Variants in ITSN1 observed in about 807,000 individuals in gnomAD.
ITSN1 encodes the protein intersectin 1, also known as intersectin-1.
In ITSN1, 58 loss-of-function variants were observed where a neutral mutation model predicts 239.8. That is an observed-to-expected ratio of 0.24 (90% CI 0.20 to 0.30). ITSN1 has a LOEUF of 0.30. Ranked by LOEUF, ITSN1 falls within the 10% of genes least tolerant of loss-of-function variation. The probability of loss-of-function intolerance (pLI) is 1.00; values close to 1 mark genes in which losing one functional copy is unlikely to be tolerated. For missense variants in ITSN1, 1,558 were observed against 2,103.3 expected (o/e 0.74, Z 5.07); for synonymous variants, 780 against 770.8 (o/e 1.01, Z -0.20).
chr21:33,654,031 T>C (rs1169409943), intron 1 of ITSN1, among the ~76,000 whole-genome samples: 1 of 151,860 alleles, frequency 6.6e-6, no homozygotes, highest in Non-Finnish European at 1.5e-5. Context: ...CTTTCCTTCC[T>C]CTTTCTCTTT....
chr21:33,797,461 G>A lies in ITSN1; in HGVS notation c.2035G>A (p.Glu679Lys), dbSNP rs201545935. The change falls in exon 18 of 40, where the codon GAG becomes AAG. Residue 679 changes from glutamate to lysine, a missense_variant. This residue lies in a region of ITSN1 where 982 missense variants were observed against 1,209.9 expected (regional missense o/e 0.81). Transcript: ENST00000381318. This position sits in a 1 kb window ranked among gnomAD's most constrained non-coding sequence, Gnocchi z 4.9. ...TCAGAGACCAAGAAAACTCCACGAA[G>A]AGGAAAAACTGAAAAGGGAGGAGAG... ...EHQRPRKLHE[E>K]EKLKREESVK... The A allele has an allele frequency of 1.2e-6, 2 of 1,614,134 alleles. No individual in the cohort carries two copies. The highest frequency in any genetic ancestry group is 1.1e-5 in the South Asian group (1 of 91,080).
At chr21:33,725,430 G>A (rs905602967) in intron 4 of ITSN1, among the ~76,000 whole-genome samples, 1 of 151,842 alleles carries the variant, frequency 6.6e-6, no homozygotes, top group African/African-American at 2.4e-5. Context: ...CACTGTGCCC[G>A]GCCAAAAAAA....
At chr21:33,851,200 G>A (rs749748352) in intron 29 of ITSN1, among the ~76,000 whole-genome samples, 6 of 151,870 alleles carry the variant, frequency 4.0e-5, no homozygotes, top group South Asian at 2.1e-4. Flanking sequence ...TCTCCGCGTC[G>A]ACCTGGCACC....
chr21:33,742,930 C>A (rs1459984921), intron 5 of ITSN1, among the ~76,000 whole-genome samples: 2 of 151,930 alleles, frequency 1.3e-5, no homozygotes, highest in Non-Finnish European at 2.9e-5. Flanking sequence ...GAAATAACAC[C>A]CCTGTGGACA....
chr21:33,688,707 A>C (rs569341662), intron 1 of ITSN1, among the ~76,000 whole-genome samples: 45 of 152,328 alleles, frequency 3.0e-4, no homozygotes, highest in African/African-American at 1.1e-3. Flanking sequence ...CCCATGGCCC[A>C]AGTTTAGAAT....
intron 4 of ITSN1, among the ~76,000 whole-genome samples, chr21:33,725,104 TAAAA>T (rs778135264): frequency 7.5e-6 from 1 of 133,338 alleles, no homozygotes; most frequent in African/African-American, 2.8e-5. Context: ...CCCTCATCTT[TAAAA>T]AAAAAAAAAA....
intron 5 of ITSN1, among the ~76,000 whole-genome samples, chr21:33,740,508 G>A (rs569398921): frequency 1.3e-5 from 2 of 152,324 alleles, no homozygotes; most frequent in Admixed American, 6.5e-5. Flanking sequence ...GATGGAGTAA[G>A]AATATGGCAG....
intron 29 of ITSN1, among the ~76,000 whole-genome samples, chr21:33,842,120 C>A (rs1366886484): frequency 6.6e-6 from 1 of 152,116 alleles, no homozygotes; most frequent in Non-Finnish European, 1.5e-5. Flanking sequence ...TGGTCTCGAT[C>A]TCCTGACCTT....
intron 14 of ITSN1, among the ~76,000 whole-genome samples, chr21:33,776,629 C>G (rs938352359): frequency 7.9e-5 from 12 of 151,686 alleles, no homozygotes; most frequent in African/African-American, 2.7e-4. Context: ...ATTTTACATT[C>G]TGATCATTTA....
chr21:33,827,865 G>A (rs1011663548), intron 26 of ITSN1, among the ~76,000 whole-genome samples: 5 of 152,206 alleles, frequency 3.3e-5, no homozygotes, highest in African/African-American at 7.2e-5. Context: ...GCCAAGAGAC[G>A]GATTTGCTTG....
chr21:33,723,482 C>T (rs1201786987), intron 4 of ITSN1, among the ~76,000 whole-genome samples: 3 of 152,008 alleles, frequency 2.0e-5, no homozygotes, highest in South Asian at 2.1e-4. Context: ...GGTGTGGTGG[C>T]GGGCGCCTGT....
Position 33,797,260 on chromosome 21 carries a change from C to A in ITSN1, c.1953-119C>A. 1.3e-6 allele frequency: 1 copy of A among 777,438 alleles called. No individual in the cohort carries two copies. Among genetic ancestry groups the A allele is most frequent in the Non-Finnish European group, 2.2e-6 (1 of 459,452 alleles). The allele number at this position is 777,438 out of a possible 1,614,324, so 48.2% of individuals were successfully genotyped here. A position where few individuals can be genotyped will look rare whatever the true frequency, so the allele number is the denominator to read the frequency against. On this transcript the variant is annotated intron_variant, in intron 17 of 39. Transcript: ENST00000381318. The surrounding 1 kb of genome is among the most constrained non-coding windows in gnomAD (Gnocchi z 4.9). ...TGATTCAGTTGCCCCATCTGAACAA[C>A]AATGTTCCCTTGATGTTCCCATCCC...
chr21:33,838,117 T>C (rs1004434331), intron 29 of ITSN1: 4 of 985,310 alleles, frequency 4.1e-6, no homozygotes, highest in Non-Finnish European at 4.8e-6. Context: ...GTGTTAGATA[T>C]GCTGTAGCTG....
At chr21:33,846,292 C>T (rs1253923197) in intron 29 of ITSN1, among the ~76,000 whole-genome samples, 3 of 152,176 alleles carry the variant, frequency 2.0e-5, no homozygotes, top group Admixed American at 2.0e-4. Context: ...ATTTCGCTGC[C>T]ACCTCTCCTG....
chr21:33,818,528 A>G (rs992817443), intron 23 of ITSN1, 56 bp downstream of exon 23: 150 of 1,387,692 alleles, frequency 1.1e-4, no homozygotes, highest in Non-Finnish European at 1.4e-4. Context: ...GCGTTATATT[A>G]CTGTTTGCAC....
intron 5 of ITSN1, among the ~76,000 whole-genome samples, chr21:33,744,350 T>G (rs1253007412): frequency 1.3e-5 from 2 of 152,196 alleles, no homozygotes; most frequent in Non-Finnish European, 2.9e-5. Flanking sequence ...AATATAATAG[T>G]ATCAAATGTA....
rs754698511 is a variant in ITSN1 at position 33,811,106 on chromosome 21, T to G, written c.2451T>G (p.Thr817=). The change falls in exon 21 of 40, where the codon ACT becomes ACG. Residue 817 remains threonine, a synonymous_variant. Transcript: ENST00000381318. ...TTCCCGCTCCAGTGAAACCAGTGAC[T>G]GATTCAACATCTGCCCCTGCCCCCA... ...NEVPAPVKPV[T]DSTSAPAPKL... 4 of 1,614,216 alleles carry G rather than the reference T, an allele frequency of 2.5e-6. No homozygotes were observed. The highest frequency in any genetic ancestry group is 1.7e-5 in the Admixed American group (1 of 60,028).
chr21:33,782,451 G>A (rs1031804479), intron 16 of ITSN1, among the ~76,000 whole-genome samples: 8 of 152,052 alleles, frequency 5.3e-5, no homozygotes, highest in Non-Finnish European at 7.4e-5. Context: ...ACTACTAAAA[G>A]GGATTGTTTT....
At chr21:33,725,132 T>G (rs1232683408) in intron 4 of ITSN1, among the ~76,000 whole-genome samples, 4 of 119,600 alleles carry the variant, frequency 3.3e-5, no homozygotes, top group Non-Finnish European at 4.9e-5. Context: ...TTTTTTTTTT[T>G]GTTTTTTTTT....
Sources: allele counts gnomAD v4.1 joint callset (sites outside exome capture counted in the v4.1 genomes callset), GRCh38; gene constraint gnomAD v4.1.1; regional missense constraint gnomAD v4.1.1; non-coding constraint Gnocchi (gnomAD v3.1); transcripts MANE v1.5; gene names NCBI Gene and HGNC (gene_info 2026-07-23, HGNC 2026-07-21).